Variants in SLC26A9 observed in about 807,000 individuals in gnomAD.
The protein encoded by SLC26A9 is solute carrier family 26 member 9.
Under a neutral mutation model 87.1 loss-of-function variants are expected in SLC26A9, and 46 were observed. The observed-to-expected ratio is 0.53, with a 90% CI of 0.42 to 0.67. The LOEUF is 0.67. Among genes scored for constraint, SLC26A9 ranks in the 30% least tolerant of loss-of-function variants. SLC26A9 has a pLI of 0.00. For synonymous variants in SLC26A9, 437 were observed against 409.1 expected, an observed-to-expected ratio of 1.07 and a Z score of -0.82; for missense variants, 927 against 1,018.3, an observed-to-expected ratio of 0.91 and a Z score of 1.22.
At chr1:205,932,142 C>T in intron 4 of SLC26A9, 107 bp from the exon 5 acceptor site, 2 of 1,315,410 alleles carry the variant, frequency 1.5e-6, no homozygotes, top group Non-Finnish European at 2.1e-6. Context: ...TGGATCCCTG[C>T]ACCTCCAAGG....
At chr1:205,925,337 G>A (rs1432544709) in intron 12 of SLC26A9, among the ~76,000 whole-genome samples, 1 of 152,078 alleles carries the variant, frequency 6.6e-6, no homozygotes, top group Non-Finnish European at 1.5e-5. Flanking sequence ...GGGCAACATT[G>A]GGTGAAGTTT....
At chr1:205,925,416 C>T (rs1040858754) in intron 12 of SLC26A9, among the ~76,000 whole-genome samples, 1 of 152,192 alleles carries the variant, frequency 6.6e-6, no homozygotes, top group African/African-American at 2.4e-5. Context: ...GCCCAGATTC[C>T]TGTAGAGAAT....
At chr1:205,922,893 C>G (rs1558121495) in intron 16 of SLC26A9, among the ~76,000 whole-genome samples, 189 bp downstream of exon 16, 1 of 152,022 alleles carries the variant, frequency 6.6e-6, no homozygotes, top group Admixed American at 6.6e-5. Context: ...GAGCAAAATT[C>G]CATCTCTAAA....
chr1:205,937,646 C>G (rs549946565), intron 1 of SLC26A9, among the ~76,000 whole-genome samples: 16 of 152,236 alleles, frequency 1.1e-4, no homozygotes, highest in African/African-American at 3.4e-4. Context: ...TGCTTTCTAC[C>G]TCCTAGCAGA....
In SLC26A9 at chr1:205,916,480, T is replaced by C. The variant is rs1658595870; in HGVS notation, c.2328+803A>G. 2.0e-5 allele frequency among the ~76,000 whole-genome samples: 3 copies of C among 152,204 alleles called. No homozygotes were observed. In the South Asian group the frequency reaches 6.2e-4, roughly 31 times the overall value. ...AGAATCCATCTATTCTACCATAACG[T>C]AAGTTTCTAAAAGGCAGAGGCCTTT... On this transcript the variant is annotated intron_variant, in intron 20 of 20. Coordinates refer to ENST00000367135, the MANE Select transcript of SLC26A9 (RefSeq NM_052934.4).
intron 12 of SLC26A9, among the ~76,000 whole-genome samples, chr1:205,925,885 G>C (rs1659045251): frequency 6.6e-6 from 1 of 152,242 alleles, no homozygotes; most frequent in South Asian, 2.1e-4. Context: ...ATGCCCAGCG[G>C]ATGATGCGGT....
At chr1:205,940,645 A>G (rs898544794) in intron 1 of SLC26A9, among the ~76,000 whole-genome samples, 3 of 152,190 alleles carry the variant, frequency 2.0e-5, no homozygotes, top group East Asian at 3.9e-4. Flanking sequence ...TAACCCCTCC[A>G]AATTTTCCCA....
At chr1:205,921,895 C>G (rs1197584028) in intron 16 of SLC26A9, 48 bp from the exon 17 acceptor site, 1 of 1,569,964 alleles carries the variant, frequency 6.4e-7, no homozygotes, top group Non-Finnish European at 8.6e-7. Context: ...CCAGACTGAG[C>G]CAGACCTTGC....
At position 205,920,166 on chromosome 1, in the gene SLC26A9, T is replaced by C; in HGVS notation, c.2110+10A>G. On this transcript the variant is annotated intron_variant, in intron 18 of 20. Transcript: ENST00000367135. Reference sequence around the variant, plus strand: ...AGTCTTTCAGTCCCTAAATGTCCTCTTTCTCTTACCATGGATGTTCACCAA... The same window carrying C: ...AGTCTTTCAGTCCCTAAATGTCCTCCTTCTCTTACCATGGATGTTCACCAA... The C allele has an allele frequency of 6.2e-7, 1 of 1,613,874 alleles. No individual in the cohort carries two copies. The highest frequency in any genetic ancestry group is 8.5e-7 in the Non-Finnish European group (1 of 1,179,760).
chr1:205,926,696 C>T (rs1367267417), intron 11 of SLC26A9, 66 bp from the exon 12 acceptor site: 4 of 1,350,760 alleles, frequency 3.0e-6, no homozygotes, highest in African/African-American at 2.9e-5. Flanking sequence ...CCTGCGCATA[C>T]CCGACCCCAA....
chr1:205,919,596 G>A (rs1389522144), intron 18 of SLC26A9, among the ~76,000 whole-genome samples: 1 of 152,156 alleles, frequency 6.6e-6, no homozygotes, highest in East Asian at 1.9e-4. Context: ...ATTCTCCTGT[G>A]TGTCTGTGTG....
intron 4 of SLC26A9, 149 bp downstream of exon 4, chr1:205,932,553 G>A (rs554355636): frequency 1.7e-6 from 1 of 593,770 alleles, no homozygotes; most frequent in South Asian, 3.6e-5. Flanking sequence ...CGAGGACCTG[G>A]AAATGACATT....
intron 17 of SLC26A9, among the ~76,000 whole-genome samples, 194 bp downstream of exon 17, chr1:205,921,372 C>T (rs939865055): frequency 3.3e-5 from 5 of 152,142 alleles, no homozygotes; most frequent in Non-Finnish European, 5.9e-5. Flanking sequence ...TGTCATGGGC[C>T]GTCTGGGCCT....
chr1:205,931,639 G>C (rs1345549611), intron 5 of SLC26A9, among the ~76,000 whole-genome samples: 2 of 151,884 alleles, frequency 1.3e-5, no homozygotes, highest in Non-Finnish European at 2.9e-5. Flanking sequence ...GATTATTTTT[G>C]TATTTTTGGT....
At position 205,929,270 on chromosome 1, in the gene SLC26A9, C is replaced by T. The variant is rs1160101589; in HGVS notation, c.804G>A (p.Leu268=). 1.2e-6 allele frequency: 2 copies of T among 1,614,216 alleles called. No homozygotes were observed. The highest frequency in any genetic ancestry group is 2.2e-5 in the South Asian group (2 of 91,078). The change falls in exon 7 of 21, where the codon CTG becomes CTA. Residue 268 remains leucine, a synonymous_variant. Coordinates refer to ENST00000367135, the MANE Select transcript of SLC26A9 (RefSeq NM_052934.4). ...FALISGAFLV[L]VKELNARYMH... is the part of the protein sequence containing the mutation. ...TGTAGCGAGCATTGAGCTCCTTCAC[C>T]AGCACCAGGAAGGCACCGCTGATGA...
intron 4 of SLC26A9, 78 bp downstream of exon 4, chr1:205,932,624 T>A (rs1659350342): frequency 1.6e-6 from 2 of 1,218,206 alleles, no homozygotes; most frequent in Non-Finnish European, 1.1e-6. Context: ...AGATGGAAAA[T>A]CTCCCGAGGC....
At chr1:205,922,331 G>A (rs1030926070) in intron 16 of SLC26A9, among the ~76,000 whole-genome samples, 6 of 152,206 alleles carry the variant, frequency 3.9e-5, no homozygotes, top group African/African-American at 1.2e-4. Context: ...TAGAGACAGC[G>A]TTTCGCCACG....
intron 1 of SLC26A9, among the ~76,000 whole-genome samples, chr1:205,941,343 T>C (rs1425297962): frequency 6.6e-6 from 1 of 152,080 alleles, no homozygotes; most frequent in African/African-American, 2.4e-5. Context: ...TAATATTTTT[T>C]ATATTTTTAG....
intron 3 of SLC26A9, 45 bp from the exon 4 acceptor site, chr1:205,932,857 A>T: frequency 6.3e-7 from 1 of 1,597,968 alleles, no homozygotes; most frequent in Non-Finnish European, 8.5e-7. Context: ...TGACTAGCTT[A>T]TGGGGATCAC....
Sources: gnomAD v4.1 joint callset for allele counts (sites outside exome capture counted in the v4.1 genomes callset) on GRCh38, gnomAD v4.1.1 for gene constraint, MANE v1.5 for transcripts, NCBI Gene and HGNC (gene_info 2026-07-23, HGNC 2026-07-21) for gene names.